CAPZB: variants seen among roughly 807,000 people sequenced by gnomAD.
CAPZB encodes the protein capping actin protein of muscle Z-line subunit beta, also known as F-actin-capping protein subunit beta.
In CAPZB, 2 loss-of-function variants were observed where a neutral mutation model predicts 38.1. That is an observed-to-expected ratio of 0.05 (90% CI 0.02 to 0.17). CAPZB has a LOEUF of 0.17. CAPZB is among the 10% of genes least tolerant of loss of function. The pLI is 1.00. For synonymous variants in CAPZB, 107 were observed against 127.4 expected, an observed-to-expected ratio of 0.84 and a Z score of 1.08; for missense variants, 161 against 334.2, an observed-to-expected ratio of 0.48 and a Z score of 4.04.
In CAPZB at chr1:19,341,196, A is replaced by C. The variant is rs2268808; in HGVS notation, c.732-1579T>G. Among the ~76,000 whole-genome samples, 1,476 of 152,316 alleles carry C rather than the reference A, an allele frequency of 9.7e-3. 58 individuals carry two copies. In the East Asian group the frequency reaches 0.13, roughly 14 times the overall value. On this transcript the variant is annotated intron_variant, in intron 8 of 8. Coordinates refer to ENST00000264202, the MANE Select transcript of CAPZB (RefSeq NM_004930.5). ...CATGCTGGGGAAATACACGTTTCTG[A>C]GTATCTTCCCAGGACTGTCCCTGGC...
intron 2 of CAPZB, among the ~76,000 whole-genome samples, chr1:19,388,702 C>A (rs2094216489): frequency 6.6e-6 from 1 of 152,160 alleles, no homozygotes; most frequent in African/African-American, 2.4e-5. Context: ...AGAGTGAGAA[C>A]TAAGAGACCT....
At chr1:19,382,974 A>G (rs574663410) in intron 3 of CAPZB, among the ~76,000 whole-genome samples, 9 of 152,046 alleles carry the variant, frequency 5.9e-5, no homozygotes, top group Middle Eastern at 3.4e-3. Context: ...GGGCTGGTCC[A>G]CCCACTTCAT....
At chr1:19,435,676 C>T (rs1398977250) in intron 1 of CAPZB, among the ~76,000 whole-genome samples, 1 of 152,176 alleles carries the variant, frequency 6.6e-6, no homozygotes, top group Non-Finnish European at 1.5e-5. Context: ...CAGTATCAGT[C>T]TCAGATGCAG....
At chr1:19,421,091 T>C (rs909013356) in intron 1 of CAPZB, among the ~76,000 whole-genome samples, 1 of 152,230 alleles carries the variant, frequency 6.6e-6, no homozygotes, top group African/African-American at 2.4e-5. Context: ...GCAGCCACTA[T>C]CTGATTTGTA....
intron 4 of CAPZB, among the ~76,000 whole-genome samples, chr1:19,376,311 G>A (rs1019072018): frequency 6.6e-6 from 1 of 152,160 alleles, no homozygotes; most frequent in Non-Finnish European, 1.5e-5. Flanking sequence ...ACTTTCAAGG[G>A]GGAACTTTCC....
At chr1:19,379,806 A>G (rs907061300) in intron 3 of CAPZB, among the ~76,000 whole-genome samples, 1 of 152,218 alleles carries the variant, frequency 6.6e-6, no homozygotes, top group Admixed American at 6.5e-5. Flanking sequence ...GGTGGGGTTC[A>G]GAGGGCCGAG....
chr1:19,367,208 C>T (rs1366694852), intron 4 of CAPZB, among the ~76,000 whole-genome samples: 3 of 152,264 alleles, frequency 2.0e-5, no homozygotes, highest in African/African-American at 7.2e-5. Flanking sequence ...CTTCCTTACA[C>T]TGGTTATACC....
chr1:19,365,640 G>A (rs2094079688), intron 4 of CAPZB, among the ~76,000 whole-genome samples: 1 of 152,118 alleles, frequency 6.6e-6, no homozygotes, highest in African/African-American at 2.4e-5. Context: ...AGACCAGCCT[G>A]ACCCACATGG....
chr1:19,452,244 C>A (rs1168895854), intron 1 of CAPZB, among the ~76,000 whole-genome samples: 1 of 152,100 alleles, frequency 6.6e-6, no homozygotes, highest in Non-Finnish European at 1.5e-5. Flanking sequence ...TGGACTGCCA[C>A]CCCCTCAGCT....
At chr1:19,421,420 C>G (rs2094400676) in intron 1 of CAPZB, among the ~76,000 whole-genome samples, 1 of 152,158 alleles carries the variant, frequency 6.6e-6, no homozygotes, top group African/African-American at 2.4e-5. Flanking sequence ...AAAGCCTGTC[C>G]CTTGCTCAAG....
intron 1 of CAPZB, chr1:19,449,308 G>A: frequency 9.7e-7 from 1 of 1,035,266 alleles, no homozygotes; most frequent in South Asian, 3.8e-5. Context: ...CTGGCGAGAT[G>A]CGAGTCACGG....
At chr1:19,436,609 G>A (rs961387696) in intron 1 of CAPZB, among the ~76,000 whole-genome samples, 1 of 152,110 alleles carries the variant, frequency 6.6e-6, no homozygotes, top group East Asian at 1.9e-4. Flanking sequence ...AAGCATATAG[G>A]GTTCGATATT....
At chr1:19,484,707 A>G (rs2094644608) in intron 1 of CAPZB, 1 of 1,088,696 alleles carries the variant, frequency 9.2e-7, no homozygotes, top group South Asian at 2.4e-5. Flanking sequence ...CAGGACCCTG[A>G]TGAGAGGCTC....
chr1:19,401,225 C>G (rs79394113), intron 2 of CAPZB, among the ~76,000 whole-genome samples: 2 of 151,478 alleles, frequency 1.3e-5, no homozygotes, highest in Non-Finnish European at 2.9e-5. Context: ...AAAAAAACTT[C>G]CCCCAAACAA....
At chr1:19,393,084 C>T (rs1046796996) in intron 2 of CAPZB, among the ~76,000 whole-genome samples, 28 of 152,348 alleles carry the variant, frequency 1.8e-4, no homozygotes, top group African/African-American at 6.3e-4. Context: ...TCCCCAAGGG[C>T]AGCTTCGTTA....
At chr1:19,365,628 C>G (rs999877770) in intron 4 of CAPZB, among the ~76,000 whole-genome samples, 6 of 151,992 alleles carry the variant, frequency 3.9e-5, no homozygotes, top group Non-Finnish European at 7.4e-5. Flanking sequence ...GTCAGGAGTT[C>G]GAGACCAGCC....
In CAPZB at chr1:19,464,952, C is replaced by G. The variant is rs1003537416; in HGVS notation, c.3+20484G>C. On this transcript the variant is annotated intron_variant, in intron 1 of 8. Coordinates refer to ENST00000264202, the MANE Select transcript of CAPZB (RefSeq NM_004930.5). ...GACTTTTTAGGGTGAGGAAACTGTT[C>G]TATAACTCGATTGTGGTGGTGGCAA... is the stretch of plus-strand genomic sequence containing the variant. Among the ~76,000 whole-genome samples the G allele has an allele frequency of 2.0e-5, 3 of 152,122 alleles. 1 individual carries two copies. Among genetic ancestry groups the G allele is most frequent in the African/African-American group, 7.2e-5 (3 of 41,424 alleles).
chr1:19,400,962 T>C (rs1311674890), intron 2 of CAPZB, among the ~76,000 whole-genome samples: 6 of 152,168 alleles, frequency 3.9e-5, no homozygotes, highest in African/African-American at 7.2e-5. Context: ...CTGTTGCACA[T>C]TGAACAGGAG....
intron 1 of CAPZB, among the ~76,000 whole-genome samples, chr1:19,441,329 C>T (rs946808374): frequency 6.6e-5 from 10 of 152,098 alleles, no homozygotes; most frequent in Non-Finnish European, 1.5e-4. Flanking sequence ...GGGGACATTT[C>T]TTGGAAATAA....
Sources: allele counts gnomAD v4.1 joint callset (sites outside exome capture counted in the v4.1 genomes callset), GRCh38; gene constraint gnomAD v4.1.1; transcripts MANE v1.5; gene names NCBI Gene and HGNC (gene_info 2026-07-23, HGNC 2026-07-21).